The following LRCH3 variants were observed in gnomAD, a reference collection of about 807,000 sequenced individuals.
The protein encoded by LRCH3 is leucine rich repeats and calponin homology domain containing 3.
A neutral mutation model predicts 104.5 loss-of-function variants in LRCH3; 68 were observed. The ratio of observed to expected loss-of-function variants is 0.65; its 90% CI spans 0.54 to 0.80. The LOEUF (loss-of-function observed/expected upper bound fraction) is 0.80. Among genes scored for constraint, LRCH3 ranks in the 30% least tolerant of loss-of-function variants. The pLI, the probability that LRCH3 is intolerant of heterozygous loss-of-function variation, is 0.00. For synonymous variants in LRCH3, 344 were observed against 361.3 expected (o/e 0.95, Z 0.54); for missense variants, 951 against 953.9 (o/e 1.00, Z 0.04).
At chr3:197,882,354 C>G in intron 20 of LRCH3, 2 of 985,198 alleles carry the variant, frequency 2.0e-6, no homozygotes, top group African/African-American at 3.5e-5. Context: ...TACAAAGTTG[C>G]TAGTTTTTTT....
intron 10 of LRCH3, among the ~76,000 whole-genome samples, chr3:197,846,391 A>AC (rs1188779446): frequency 2.0e-5 from 3 of 149,510 alleles, no homozygotes; most frequent in African/African-American, 7.5e-5. Context: ...GCCACAAAAA[A>AC]AAAAAAAAAC....
intron 11 of LRCH3, 106 bp from the exon 12 acceptor site, chr3:197,847,766 A>C: frequency 1.1e-6 from 1 of 902,634 alleles, no homozygotes; most frequent in Non-Finnish European, 1.4e-6. Flanking sequence ...GGTGACTTCA[A>C]AGCAAAAGTT....
intron 12 of LRCH3, chr3:197,850,801 T>C (rs886343710): frequency 2.5e-6 from 3 of 1,215,064 alleles, no homozygotes; most frequent in Non-Finnish European, 3.7e-6. Context: ...TTCTGTAAAG[T>C]GACATCTTTC....
At chr3:197,801,277 T>TA (rs1234229718) in intron 1 of LRCH3, among the ~76,000 whole-genome samples, 1 of 151,916 alleles carries the variant, frequency 6.6e-6, no homozygotes, top group Non-Finnish European at 1.5e-5. Context: ...ATAATTGCCA[T>TA]AAAAATCAGG....
intron 10 of LRCH3, among the ~76,000 whole-genome samples, chr3:197,840,456 C>CA (rs1396883558): frequency 2.0e-5 from 2 of 99,954 alleles, no homozygotes; most frequent in African/African-American, 4.2e-5. Context: ...GACTCCATCT[C>CA]AAAAAAACCA....
At chr3:197,851,404 G>A (rs1739576236) in intron 12 of LRCH3, among the ~76,000 whole-genome samples, 2 of 152,160 alleles carry the variant, frequency 1.3e-5, no homozygotes, top group Non-Finnish European at 2.9e-5. Context: ...GAACTGGTTA[G>A]GAAGAAAGAC....
At position 197,791,326 on chromosome 3, in the gene LRCH3, T is replaced by C. The variant is rs1730461406; in HGVS notation, c.48T>C (p.Ser16=). The stretch of plus-strand genomic sequence containing the variant: ...CTGTGGCAGCGGCTGCCGAGTACTC[T>C]GGCACGGTAGCGTCGGGAGGTAACC... ...LVAVAAAAEY[S]GTVASGGNLP... Residue 16 remains serine (S), a synonymous_variant, in exon 1 of 21, where the codon TCT becomes TCC. Coordinates refer to ENST00000425562, the MANE Select transcript of LRCH3 (RefSeq NM_001365715.1). The C allele has an allele frequency of 3.1e-6, 5 of 1,609,400 alleles. No individual in the cohort carries two copies. The highest frequency in any genetic ancestry group is 4.2e-6 in the Non-Finnish European group (5 of 1,178,826).
At chr3:197,859,041 T>C in intron 15 of LRCH3, 136 bp downstream of exon 15, 1 of 693,450 alleles carries the variant, frequency 1.4e-6, no homozygotes, top group Non-Finnish European at 2.6e-6. Flanking sequence ...ACTATTTGTT[T>C]AACATTGATT....
chr3:197,793,100 CTTATT>C (rs1730815047), intron 1 of LRCH3, among the ~76,000 whole-genome samples: 2 of 152,264 alleles, frequency 1.3e-5, no homozygotes, highest in East Asian at 3.9e-4. Context: ...TACTTGGTGT[CTTATT>C]TTATTTTAAA....
In LRCH3 at chr3:197,839,383, T is replaced by G. The variant is rs17850206; in HGVS notation, c.1314T>G (p.Tyr438Ter). 1 of 1,579,998 alleles carries G rather than the reference T, an allele frequency of 6.3e-7. No individual in the cohort carries two copies. Among genetic ancestry groups the G allele is most frequent in the African/African-American group, 1.4e-5 (1 of 73,252 alleles). Residue 438 changes from tyrosine to a stop codon, truncating the protein, a stop_gained, in exon 10 of 21, where the codon TAT becomes TAG. Coordinates refer to ENST00000425562, the MANE Select transcript of LRCH3 (RefSeq NM_001365715.1). LOFTEE classifies it high-confidence loss of function. Reference sequence around the variant, plus strand: ...AAAAAACAGAAGATATGAGAAGATATTTACATCAAAACAGGTTTGAAAAAC... The same window carrying G: ...AAAAAACAGAAGATATGAGAAGATAGTTACATCAAAACAGGTTTGAAAAAC... The part of the protein sequence containing the change: ...EFQKTEDMRR[Y>*]LHQNRVPAEP...
rs374222385 is a variant in LRCH3 at position 197,875,509 on chromosome 3, CCA to C, written c.2131-188_2131-187del. On this transcript the variant is annotated intron_variant, in intron 19 of 20. Coordinates refer to ENST00000425562, the MANE Select transcript of LRCH3 (RefSeq NM_001365715.1). ...CGAACCCTGTCTCTACAAAAATTGCCCAGGTGTGATGGCATGCAACTATAGTC... is the reference window on the plus strand; with the variant it reads ...CGAACCCTGTCTCTACAAAAATTGCCGGTGTGATGGCATGCAACTATAGTC... Among the ~76,000 whole-genome samples, 289 of 152,124 alleles carry C rather than the reference CCA, an allele frequency of 1.9e-3. 1 individual carries two copies. Among genetic ancestry groups the C allele is most frequent in the African/African-American group, 6.7e-3 (279 of 41,500 alleles).
intron 15 of LRCH3, among the ~76,000 whole-genome samples, chr3:197,863,058 T>C (rs1286628160): frequency 6.6e-6 from 1 of 152,150 alleles, no homozygotes. Context: ...CAACTGTAAG[T>C]AGCGATGTAA....
intron 18 of LRCH3, among the ~76,000 whole-genome samples, chr3:197,870,993 G>A (rs539056721): frequency 1.3e-5 from 2 of 151,690 alleles, no homozygotes; most frequent in Non-Finnish European, 2.9e-5. Flanking sequence ...ATTTATATGT[G>A]TGTGCACACA....
At chr3:197,831,414 A>G (rs1401159687) in intron 7 of LRCH3, 3 of 152,402 alleles carry the variant, frequency 2.0e-5, no homozygotes, top group South Asian at 2.1e-4. Flanking sequence ...TATTTTAGCT[A>G]TGCATTAAGT....
chr3:197,845,406 CAAAAAA>C (rs370414681), intron 10 of LRCH3, among the ~76,000 whole-genome samples: 1 of 85,870 alleles, frequency 1.2e-5, no homozygotes, highest in African/African-American at 3.9e-5. Flanking sequence ...GAGACTCTGT[CAAAAAA>C]AAAAAAAAAA....
chr3:197,807,549 A>G (rs1489485563), intron 1 of LRCH3, among the ~76,000 whole-genome samples: 5 of 151,912 alleles, frequency 3.3e-5, no homozygotes, highest in Admixed American at 3.3e-4. Context: ...CACTTTGCTA[A>G]TCTCTGTATT....
intron 17 of LRCH3, among the ~76,000 whole-genome samples, chr3:197,867,133 C>T (rs577391956): frequency 5.3e-5 from 8 of 152,206 alleles, no homozygotes; most frequent in South Asian, 4.1e-4. Flanking sequence ...AAAAATTAGC[C>T]GGGTGTGGCA....
At chr3:197,881,823 TGAGG>T (rs1713800535) in intron 20 of LRCH3, 19 of 985,384 alleles carry the variant, frequency 1.9e-5, no homozygotes, top group Non-Finnish European at 2.3e-5. Flanking sequence ...GAATTCAGCC[TGAGG>T]GAGGAGCATA....
intron 9 of LRCH3, among the ~76,000 whole-genome samples, chr3:197,836,468 G>T (rs1342016249): frequency 2.6e-5 from 4 of 152,172 alleles, no homozygotes; most frequent in Non-Finnish European, 4.4e-5. Context: ...TAATAAAATG[G>T]CTTCACTTTA....
Sources: allele counts gnomAD v4.1 joint callset (sites outside exome capture counted in the v4.1 genomes callset), GRCh38; gene constraint gnomAD v4.1.1; transcripts MANE v1.5; gene names NCBI Gene and HGNC (gene_info 2026-07-23, HGNC 2026-07-21).